The following RFX3 variants were observed in gnomAD, a reference collection of about 807,000 sequenced individuals.
RFX3 encodes the protein transcription factor RFX3.
A neutral mutation model predicts 98.6 loss-of-function variants in RFX3; 14 were observed. The ratio of observed to expected loss-of-function variants is 0.14; its 90% confidence interval spans 0.09 to 0.22. The LOEUF is 0.22. Among genes scored for constraint, RFX3 ranks in the 10% least tolerant of loss-of-function variants. The pLI is 1.00. For synonymous variants in RFX3, 383 were observed against 328.4 expected, an observed-to-expected ratio of 1.17 and a Z score of -1.80; for missense variants, 639 against 926.9, an observed-to-expected ratio of 0.69 and a Z score of 4.03.
At chr9:3,327,360 G>A (rs1774202207) in intron 4 of RFX3, among the ~76,000 whole-genome samples, 1 of 152,092 alleles carries the variant, frequency 6.6e-6, no homozygotes, top group African/African-American at 2.4e-5. Context: ...ACTGTAAACT[G>A]AGAATCACAA....
intron 1 of RFX3, among the ~76,000 whole-genome samples, chr9:3,459,918 G>C (rs138689988): frequency 1.2e-3 from 175 of 152,148 alleles, no homozygotes; most frequent in African/African-American, 3.9e-3. Flanking sequence ...TCCATGGATG[G>C]TGAGAGTATG....
intron 7 of RFX3, among the ~76,000 whole-genome samples, chr9:3,285,470 CCTT>C (rs1376623318): frequency 6.6e-6 from 1 of 151,624 alleles, no homozygotes; most frequent in Non-Finnish European, 1.5e-5. Context: ...AAAAGAAACT[CCTT>C]CTTTCCTGTC....
chr9:3,233,701 G>A (rs1237438391), intron 15 of RFX3, among the ~76,000 whole-genome samples: 2 of 152,180 alleles, frequency 1.3e-5, no homozygotes, highest in African/African-American at 2.4e-5. Context: ...TATGTTATAC[G>A]TATCATTAAT....
At chr9:3,267,964 T>C (rs1823871294) in intron 11 of RFX3, among the ~76,000 whole-genome samples, 2 of 151,908 alleles carry the variant, frequency 1.3e-5, no homozygotes, top group African/African-American at 4.8e-5. Context: ...AAAATATTTA[T>C]TACGGGCCTT....
At chr9:3,265,932 A>G (rs1823576344) in intron 12 of RFX3, among the ~76,000 whole-genome samples, 1 of 152,064 alleles carries the variant, frequency 6.6e-6, no homozygotes, top group Admixed American at 6.6e-5. Flanking sequence ...TATAATTTAG[A>G]ATATATATAT....
chr9:3,254,215 C>A (rs1821800402), intron 14 of RFX3, among the ~76,000 whole-genome samples: 1 of 151,408 alleles, frequency 6.6e-6, no homozygotes, highest in Non-Finnish European at 1.5e-5. Context: ...TGCAACAGAT[C>A]TCTGTGGAGA....
At chr9:3,243,273 T>A (rs1296100758) in intron 15 of RFX3, among the ~76,000 whole-genome samples, 1 of 151,326 alleles carries the variant, frequency 6.6e-6, no homozygotes, top group Non-Finnish European at 1.5e-5. Context: ...TAAATGAAAA[T>A]TTAAAAATTA....
intron 1 of RFX3, among the ~76,000 whole-genome samples, chr9:3,475,175 A>T (rs1373081888): frequency 6.6e-6 from 1 of 152,030 alleles, no homozygotes; most frequent in Non-Finnish European, 1.5e-5. Context: ...ACAGTTATAA[A>T]TGGATGCTTA....
At chr9:3,446,967 T>C (rs1846109688) in intron 1 of RFX3, among the ~76,000 whole-genome samples, 1 of 152,124 alleles carries the variant, frequency 6.6e-6, no homozygotes, top group African/African-American at 2.4e-5. Flanking sequence ...TTATTTTAAA[T>C]ACATGAGAAA....
At chr9:3,424,044 G>C (rs1843716567) in intron 1 of RFX3, among the ~76,000 whole-genome samples, 1 of 151,098 alleles carries the variant, frequency 6.6e-6, no homozygotes, top group African/African-American at 2.4e-5. Context: ...CTACTCGGGA[G>C]GCTGAGGCAG....
intron 4 of RFX3, among the ~76,000 whole-genome samples, chr9:3,303,763 T>C (rs1419905870): frequency 1.3e-5 from 2 of 151,968 alleles, no homozygotes; most frequent in Admixed American, 6.6e-5. Context: ...CCTTCTCATT[T>C]CTGGACAGTT....
intron 13 of RFX3, among the ~76,000 whole-genome samples, chr9:3,262,127 C>T (rs373858508): frequency 2.0e-4 from 30 of 152,048 alleles, no homozygotes; most frequent in African/African-American, 7.2e-4. Flanking sequence ...CTTTTGAAAC[C>T]CCAAAGTTTT....
chr9:3,253,393 C>T (rs755750733), intron 14 of RFX3, among the ~76,000 whole-genome samples: 7 of 152,174 alleles, frequency 4.6e-5, no homozygotes, highest in African/African-American at 7.2e-5. Context: ...CCTACTTTCA[C>T]GCCAAATATC....
chr9:3,424,423 G>C (rs1384658260), intron 1 of RFX3, among the ~76,000 whole-genome samples: 2 of 132,138 alleles, frequency 1.5e-5, no homozygotes, highest in Non-Finnish European at 1.5e-5. Flanking sequence ...GTGCAGTGGC[G>C]CGATCTCGAC....
At chr9:3,461,493 G>C (rs1294816976) in intron 1 of RFX3, among the ~76,000 whole-genome samples, 1 of 151,930 alleles carries the variant, frequency 6.6e-6, no homozygotes, top group Non-Finnish European at 1.5e-5. Flanking sequence ...ATCTAAATGG[G>C]ATACAATTTA....
intron 3 of RFX3, among the ~76,000 whole-genome samples, chr9:3,334,918 G>C (rs184186188): frequency 2.0e-5 from 3 of 151,950 alleles, no homozygotes; most frequent in African/African-American, 4.8e-5. Context: ...TCAGGAGTTC[G>C]AGACCAGCCT....
intron 1 of RFX3, among the ~76,000 whole-genome samples, chr9:3,410,835 C>T (rs988360630): frequency 3.9e-5 from 6 of 152,138 alleles, no homozygotes; most frequent in East Asian, 1.9e-4. Flanking sequence ...AAACCAACCA[C>T]GCCGCTTGAT....
At chr9:3,258,679 TAAGC>T (rs1822455606) in intron 13 of RFX3, among the ~76,000 whole-genome samples, 1 of 151,662 alleles carries the variant, frequency 6.6e-6, no homozygotes, top group African/African-American at 2.4e-5. Flanking sequence ...TGAATACAAA[TAAGC>T]AAAAAAGGAA....
intron 4 of RFX3, among the ~76,000 whole-genome samples, chr9:3,303,262 T>C (rs1339324435): frequency 6.6e-6 from 1 of 151,860 alleles, no homozygotes; most frequent in Non-Finnish European, 1.5e-5. Flanking sequence ...TTTACCAAAA[T>C]GTTAAACTGT....
Sources: allele counts gnomAD v4.1 joint callset (sites outside exome capture counted in the v4.1 genomes callset), GRCh38; gene constraint gnomAD v4.1.1; transcripts MANE v1.5; gene names NCBI Gene and HGNC (gene_info 2026-07-23, HGNC 2026-07-21).